The following LINGO2 variants were observed in gnomAD, a reference collection of about 807,000 sequenced individuals.
LINGO2 encodes leucine-rich repeat and immunoglobulin-like domain-containing nogo receptor-interacting protein 2.
LINGO2 carries 14 observed loss-of-function variants against 30.6 expected under a neutral mutation model. The ratio of observed to expected loss-of-function variants is 0.46; its 90% CI spans 0.30 to 0.72. LINGO2 has a LOEUF of 0.72. LINGO2 is among the 30% of genes least tolerant of loss of function. The pLI, the probability that LINGO2 is intolerant of heterozygous loss-of-function variation, is 0.07. For missense variants in LINGO2, 729 were observed against 751.7 expected (o/e 0.97, Z 0.35); for synonymous variants, 317 against 288.5 (o/e 1.10, Z -1.00).
chr9:29,120,475 T>A, the LINGO2 span, among the ~76,000 whole-genome samples: 1 of 152,204 alleles, frequency 6.6e-6, no homozygotes, highest in Admixed American at 6.5e-5. Flanking sequence ...ATTGTCTTAT[T>A]GTTTTATTCT....
intron 4 of LINGO2, among the ~76,000 whole-genome samples, chr9:28,282,291 T>C (rs1587384148): frequency 2.0e-5 from 3 of 152,140 alleles, no homozygotes; most frequent in South Asian, 2.1e-4. Context: ...ACTGATACAA[T>C]GATAAGTGAG....
At chr9:29,056,996 T>C in the LINGO2 span, among the ~76,000 whole-genome samples, 12 of 152,188 alleles carry the variant, frequency 7.9e-5, no homozygotes, top group African/African-American at 2.2e-4. Flanking sequence ...TAGAGCCGTA[T>C]AGTATAAAGT....
At chr9:28,251,068 T>A (rs1410868612) in intron 4 of LINGO2, among the ~76,000 whole-genome samples, 1 of 152,066 alleles carries the variant, frequency 6.6e-6, no homozygotes, top group African/African-American at 2.4e-5. Flanking sequence ...AAAAAAAAAA[T>A]TAATTTTCCT....
chr9:28,805,282 T>C, the LINGO2 span, among the ~76,000 whole-genome samples: 1 of 152,202 alleles, frequency 6.6e-6, no homozygotes, highest in Non-Finnish European at 1.5e-5. Context: ...ACAACTTGTA[T>C]ACTAGTGAAA....
At chr9:28,381,637 C>A (rs988966304) in intron 2 of LINGO2, among the ~76,000 whole-genome samples, 1 of 152,052 alleles carries the variant, frequency 6.6e-6, no homozygotes, top group African/African-American at 2.4e-5. Context: ...TATAAAGTTG[C>A]TCCATTATTC....
At chr9:27,971,331 T>C (rs1406694201) in intron 5 of LINGO2, among the ~76,000 whole-genome samples, 1 of 152,104 alleles carries the variant, frequency 6.6e-6, no homozygotes, top group Non-Finnish European at 1.5e-5. Context: ...GTGGCCAACA[T>C]ATTATAAAAT....
At chr9:28,458,605 A>G (rs1434423739) in intron 2 of LINGO2, among the ~76,000 whole-genome samples, 1 of 152,182 alleles carries the variant, frequency 6.6e-6, no homozygotes, top group African/African-American at 2.4e-5. Context: ...ATCTTGTTAG[A>G]AACTGAAGTT....
chr9:28,707,659 C>T, the LINGO2 span, among the ~76,000 whole-genome samples: 1 of 151,994 alleles, frequency 6.6e-6, no homozygotes, highest in East Asian at 1.9e-4. Flanking sequence ...TGATCCTGTC[C>T]TCCCACTGTC....
the LINGO2 span, among the ~76,000 whole-genome samples, chr9:29,131,935 G>A: frequency 1.3e-5 from 2 of 151,036 alleles, no homozygotes; most frequent in Non-Finnish European, 2.9e-5. Context: ...TGATTCCCTG[G>A]TACAAAAATA....
chr9:28,172,043 A>AAAC (rs1391397318), intron 4 of LINGO2, among the ~76,000 whole-genome samples: 2 of 144,408 alleles, frequency 1.4e-5, no homozygotes, highest in African/African-American at 2.6e-5. Flanking sequence ...ACAAAAAAAA[A>AAAC]AACCCAGCAT....
chr9:28,268,230 A>T (rs1027692658), intron 4 of LINGO2, among the ~76,000 whole-genome samples: 11 of 152,050 alleles, frequency 7.2e-5, no homozygotes, highest in Non-Finnish European at 1.6e-4. Context: ...AATCTGGGTA[A>T]ACTAATCTTT....
the LINGO2 span, among the ~76,000 whole-genome samples, chr9:28,786,728 G>T: frequency 6.6e-6 from 1 of 152,070 alleles, no homozygotes; most frequent in East Asian, 1.9e-4. Context: ...AAATCATGAA[G>T]TTTGAGCCAG....
At chr9:28,531,641 T>C (rs1330077627) in intron 1 of LINGO2, among the ~76,000 whole-genome samples, 2 of 152,168 alleles carry the variant, frequency 1.3e-5, no homozygotes, top group African/African-American at 4.8e-5. Flanking sequence ...AATATTTATA[T>C]AAAAATTATT....
intron 3 of LINGO2, among the ~76,000 whole-genome samples, chr9:28,368,062 A>C (rs992587564): frequency 1.3e-5 from 2 of 150,408 alleles, no homozygotes; most frequent in Non-Finnish European, 3.0e-5. Context: ...CTGTATCTCT[A>C]TCTCTATCTC....
intron 2 of LINGO2, among the ~76,000 whole-genome samples, chr9:28,415,936 C>T (rs1312621126): frequency 6.6e-6 from 1 of 152,090 alleles, no homozygotes; most frequent in African/African-American, 2.4e-5. Flanking sequence ...GAAAGATCAA[C>T]AAGTGTTTAA....
rs541151904 is a variant in LINGO2, at chr9:28,117,239, G to T, written c.-86-104834C>A. Among the ~76,000 whole-genome samples, 503 of 152,012 alleles carry T rather than the reference G, an allele frequency of 3.3e-3. 3 individuals carry two copies. The highest frequency in any genetic ancestry group is 0.011 in the African/African-American group (475 of 41,490). On this transcript the variant is annotated intron_variant, in intron 4 of 5. Transcript: ENST00000379992. ...AGGCTGCCCGGGGTTCAGGGGTCAGGGACCCACTTGAGGAGGCAGTCTGCC... is the reference window on the plus strand; with the variant it reads ...AGGCTGCCCGGGGTTCAGGGGTCAGTGACCCACTTGAGGAGGCAGTCTGCC...
the LINGO2 span, among the ~76,000 whole-genome samples, chr9:29,190,665 T>C: frequency 6.6e-6 from 1 of 152,120 alleles, no homozygotes; most frequent in Non-Finnish European, 1.5e-5. Flanking sequence ...AAAACAAATA[T>C]CAATGGAAAG....
At chr9:29,018,910 G>A in the LINGO2 span, among the ~76,000 whole-genome samples, 1 of 152,082 alleles carries the variant, frequency 6.6e-6, no homozygotes, top group Non-Finnish European at 1.5e-5. Flanking sequence ...GGTGGGGCTG[G>A]TATGAGCAAA....
intron 3 of LINGO2, among the ~76,000 whole-genome samples, chr9:28,308,921 G>C (rs1824487774): frequency 1.3e-5 from 2 of 152,176 alleles, no homozygotes; most frequent in Admixed American, 6.5e-5. Context: ...TCATTAAAAA[G>C]TCAGGAAACA....
Sources: gnomAD v4.1 joint callset for allele counts (sites outside exome capture counted in the v4.1 genomes callset) on GRCh38, gnomAD v4.1.1 for gene constraint, MANE v1.5 for transcripts, NCBI Gene and HGNC (gene_info 2026-07-23, HGNC 2026-07-21) for gene names.